ADAP1: variants seen among roughly 807,000 people sequenced by gnomAD.
The protein encoded by ADAP1 is arf-GAP with dual PH domain-containing protein 1.
In ADAP1, 31 loss-of-function variants were observed where a neutral mutation model predicts 54.9. That is an observed-to-expected ratio of 0.56 (90% CI 0.42 to 0.76). The LOEUF is 0.76. Ranked by LOEUF, ADAP1 falls within the 30% of genes least tolerant of loss-of-function variation. The pLI is 0.00. For synonymous variants in ADAP1, 313 were observed against 202.6 expected, an observed-to-expected ratio of 1.55 and a Z score of -4.63; for missense variants, 535 against 512.4, an observed-to-expected ratio of 1.04 and a Z score of -0.42.
At chr7:906,723 C>CAGGGGACG (rs1437279765) in intron 4 of ADAP1, among the ~76,000 whole-genome samples, 4 of 18,468 alleles carry the variant, frequency 2.2e-4, no homozygotes, top group African/African-American at 1.0e-3. Context: ...ACATCGGGGA[C>CAGGGGACG]GGGACATGGG....
chr7:909,710 G>A (rs1019392848), intron 4 of ADAP1, among the ~76,000 whole-genome samples: 3 of 152,238 alleles, frequency 2.0e-5, no homozygotes, highest in Non-Finnish European at 2.9e-5. Context: ...CTGGACAGCC[G>A]GGTGGGCTGT....
intron 1 of ADAP1, among the ~76,000 whole-genome samples, chr7:951,233 C>T (rs1362523317): frequency 7.9e-5 from 12 of 151,886 alleles, no homozygotes; most frequent in African/African-American, 1.9e-4. Flanking sequence ...ATTAGCCGGG[C>T]GTGGTGGCGG....
rs753351740 is a variant in ADAP1, at chr7:946,038, G to A, written c.82+8358C>T. Among the ~76,000 whole-genome samples the A allele has an allele frequency of 5.9e-5, 9 of 152,206 alleles. No individual in the cohort carries two copies. Among genetic ancestry groups the A allele is most frequent in the South Asian group, 2.1e-4 (1 of 4,836 alleles). The stretch of plus-strand genomic sequence containing the variant: ...TCGGACGCTGGCTCTGGCCAGGCAC[G>A]CAAGGGGCAGCCGAGGTGGGAGGGT... On this transcript the variant is annotated intron_variant, in intron 1 of 10. Transcript: ENST00000265846. The surrounding 1 kb of genome is among the most constrained non-coding windows in gnomAD (Gnocchi z 4.3).
At chr7:904,021 G>A in intron 6 of ADAP1, 105 bp downstream of exon 6, 1 of 1,462,142 alleles carries the variant, frequency 6.8e-7, no homozygotes, top group Non-Finnish European at 9.2e-7. Context: ...CCTAGCTCAA[G>A]TGCCTACCCT....
chr7:915,024 G>C (rs941527563), intron 4 of ADAP1, among the ~76,000 whole-genome samples: 10 of 151,876 alleles, frequency 6.6e-5, no homozygotes, highest in African/African-American at 2.4e-4. Context: ...GGGGCTCTGG[G>C]GCCCGAGGCC....
chr7:905,284 ACGGGGGACACGGAC>A lies in ADAP1; in HGVS notation c.389-126_389-113del, dbSNP rs1192209224. 9 of 296,498 alleles carry A rather than the reference ACGGGGGACACGGAC, an allele frequency of 3.0e-5. 1 individual carries two copies. In the African/African-American group the frequency reaches 6.5e-4, roughly 21 times the overall value. 18.4% of individuals were successfully genotyped at this position (296,498 alleles called of 1,614,324 possible). The stretch of plus-strand genomic sequence containing the variant: ...TGGGGAGAAGACACGGGGGACACGG[ACGGGGGACACGGAC>A]AGGGGGAGACGGACGGGGAGAGGGG... On this transcript the variant is annotated intron_variant, in intron 4 of 10. Transcript: ENST00000265846.
At chr7:910,100 C>T (rs375315849) in intron 4 of ADAP1, among the ~76,000 whole-genome samples, 1 of 152,160 alleles carries the variant, frequency 6.6e-6, no homozygotes. Flanking sequence ...TGGGCGGGGA[C>T]GCCGGCCCTT....
At chr7:954,746 G>A, upstream of ADAP1, 2 of 977,240 alleles carry the variant, frequency 2.0e-6, no homozygotes, top group Non-Finnish European at 2.4e-6. Flanking sequence ...GCCCCCAGCG[G>A]TGCAGGCGAG....
chr7:952,100 C>T (rs913713430), intron 1 of ADAP1, among the ~76,000 whole-genome samples: 4 of 151,766 alleles, frequency 2.6e-5, no homozygotes, highest in Non-Finnish European at 5.9e-5. Context: ...CGCCCCAACT[C>T]GCCCACCTGC....
At chr7:900,882 AAGGGCCG>A (rs1844771911) in intron 6 of ADAP1, 16 of 370,170 alleles carry the variant, frequency 4.3e-5, no homozygotes, top group East Asian at 9.8e-5. Context: ...CGAAGGGCCG[AAGGGCCG>A]GGCCGGGCCG....
chr7:904,118 G>C lies in ADAP1; in HGVS notation c.648+8C>G. 1 of 1,611,882 alleles carries C rather than the reference G, an allele frequency of 6.2e-7. No individual in the cohort carries two copies. The highest frequency in any genetic ancestry group is 8.5e-7 in the Non-Finnish European group (1 of 1,179,670). ...GCCACCCGGGCCCGAGTGCTCGCCA[G>C]CACCCACCTTCCCGTCCTCATGGTA... On this transcript the variant is annotated splice_region_variant and intron_variant, in intron 6 of 10. Coordinates refer to ENST00000265846, the MANE Select transcript of ADAP1 (RefSeq NM_006869.4).
At chr7:911,997 G>A (rs1238624925) in intron 4 of ADAP1, among the ~76,000 whole-genome samples, 2 of 152,212 alleles carry the variant, frequency 1.3e-5, no homozygotes, top group African/African-American at 4.8e-5. Flanking sequence ...AGGAACGGCT[G>A]GTGATGTTCC....
At chr7:931,010 G>A (rs1375906672) in intron 2 of ADAP1, among the ~76,000 whole-genome samples, 19 of 144,540 alleles carry the variant, frequency 1.3e-4, no homozygotes, top group African/African-American at 2.3e-4. Flanking sequence ...AGGAAGGAAG[G>A]AAGGAGGGTA....
At chr7:915,165 C>T (rs1224121775) in intron 4 of ADAP1, among the ~76,000 whole-genome samples, 1 of 68,254 alleles carries the variant, frequency 1.5e-5, no homozygotes, top group Non-Finnish European at 2.8e-5. Context: ...TGCCACCCTG[C>T]TGCCAGGTAA....
In ADAP1 at chr7:899,294, A is replaced by G. The variant is rs201089395; in HGVS notation, c.868-33T>C. On this transcript the variant is annotated intron_variant, in intron 9 of 10. Transcript: ENST00000265846. ...TGGGGACCGCACTGGAGGCGGGGCC[A>G]TGTCCCTTCCAGCCCCGCTTCACTC... 9.9e-6 allele frequency: 16 copies of G among 1,609,868 alleles called. No individual in the cohort carries two copies. The East Asian group carries it at 1.8e-4, about 18-fold the overall frequency.
intron 8 of ADAP1, among the ~76,000 whole-genome samples, chr7:899,715 T>C (rs1844689805): frequency 6.6e-6 from 1 of 152,070 alleles, no homozygotes; most frequent in African/African-American, 2.4e-5. Context: ...CAGCCCTCCC[T>C]GGGCCCCAGA....
chr7:905,412 G>GGAAAGGAAAAAGGAGAAAGGGAAAA (rs1562911742), intron 4 of ADAP1: 1 of 150,482 alleles, frequency 6.6e-6, no homozygotes. Flanking sequence ...AAGGAGAAAG[G>GGAAAGGAAAAAGGAGAAAGGGAAAA]GAGAAAGAGA....
In ADAP1 at chr7:920,958, C is replaced by T. The variant is rs754499771; in HGVS notation, c.306-908G>A. On this transcript the variant is annotated intron_variant, in intron 3 of 10. Coordinates refer to ENST00000265846, the MANE Select transcript of ADAP1 (RefSeq NM_006869.4). This position sits in a 1 kb window ranked among gnomAD's most constrained non-coding sequence, Gnocchi z 4.5. The stretch of plus-strand genomic sequence containing the variant: ...CACGTGAACAGCCTTGGAGACTGGG[C>T]GGGAATCCTCGCCCACAGGATCTGA... 1.5e-5 allele frequency: 18 copies of T among 1,230,184 alleles called. No individual in the cohort carries two copies. The highest frequency in any genetic ancestry group is 5.1e-5 in the East Asian group (2 of 39,096). 76.2% of individuals were successfully genotyped at this position (1,230,184 alleles called of 1,614,324 possible).
intron 3 of ADAP1, among the ~76,000 whole-genome samples, chr7:925,300 C>T (rs1318190384): frequency 6.1e-5 from 9 of 148,156 alleles, no homozygotes; most frequent in Admixed American, 1.3e-4. Context: ...GCAGGAGGAT[C>T]GCTTGAGCCC....
Sources: allele counts gnomAD v4.1 joint callset (sites outside exome capture counted in the v4.1 genomes callset), GRCh38; gene constraint gnomAD v4.1.1; non-coding constraint Gnocchi (gnomAD v3.1); transcripts MANE v1.5; gene names NCBI Gene and HGNC (gene_info 2026-07-23, HGNC 2026-07-21).